The following NUDT4 variants were observed in gnomAD, a reference collection of about 807,000 sequenced individuals.
NUDT4 encodes diphosphoinositol polyphosphate phosphohydrolase 2.
In NUDT4, 5 loss-of-function variants were observed where a neutral mutation model predicts 23.1. The ratio of observed to expected loss-of-function variants is 0.22; its 90% CI spans 0.11 to 0.46. NUDT4 has a LOEUF of 0.46. NUDT4 is among the 20% of genes least tolerant of loss of function. The pLI is 0.99. For missense variants in NUDT4, 96 were observed against 211.6 expected (o/e 0.45, Z 3.39); for synonymous variants, 50 against 79.0 (o/e 0.63, Z 1.95).
chr12:93,405,732 A>C lies in NUDT4; in HGVS notation c.*6353A>C, dbSNP rs1040002963. 5 of 152,168 alleles carry C rather than the reference A, an allele frequency of 3.3e-5. No individual in the cohort carries two copies. Among genetic ancestry groups the C allele is most frequent in the African/African-American group, 9.7e-5 (4 of 41,438 alleles). The allele number at this position is 152,168 out of a possible 1,614,324, so 9.4% of individuals were successfully genotyped here. A position where few individuals can be genotyped will look rare whatever the true frequency, so the allele number is the denominator to read the frequency against. Reference sequence around the variant, plus strand: ...TTATTATTTACACTTCTCTCAAATTATTACATTCAGCATGTTTTGCTTTTT... The same window carrying C: ...TTATTATTTACACTTCTCTCAAATTCTTACATTCAGCATGTTTTGCTTTTT... On this transcript the variant is annotated 3_prime_UTR_variant, in exon 5 of 5. Transcript: ENST00000415493.
chr12:93,404,405 G>C lies in NUDT4; in HGVS notation c.*5026G>C, dbSNP rs895726317. ...TGAGTGGAAACTGATACAGCCTGTC[G>C]GAGAGCTACTGAGTAGTATTTTATC... On this transcript the variant is annotated 3_prime_UTR_variant, in exon 5 of 5. Coordinates refer to ENST00000415493, the MANE Select transcript of NUDT4 (RefSeq NM_019094.6). 4 of 152,184 alleles carry C rather than the reference G, an allele frequency of 2.6e-5. No individual in the cohort carries two copies. The highest frequency in any genetic ancestry group is 9.7e-5 in the African/African-American group (4 of 41,440). 9.4% of individuals were successfully genotyped at this position (152,184 alleles called of 1,614,324 possible).
chr12:93,394,235 C>T (rs567661460), intron 1 of NUDT4, among the ~76,000 whole-genome samples: 54 of 152,190 alleles, frequency 3.5e-4, no homozygotes, highest in Non-Finnish European at 7.5e-4. Context: ...ATCTCCTGAC[C>T]TCTTGATCCG....
chr12:93,402,748 C>G lies in NUDT4; in HGVS notation c.*3369C>G, dbSNP rs1344247910. 6.6e-6 allele frequency: 1 copy of G among 152,138 alleles called. No homozygotes were observed. Among genetic ancestry groups the G allele is most frequent in the Admixed American group, 6.5e-5 (1 of 15,282 alleles). The allele number at this position is 152,138 out of a possible 1,614,324, so 9.4% of individuals were successfully genotyped here. On this transcript the variant is annotated 3_prime_UTR_variant, in exon 5 of 5. Coordinates refer to ENST00000415493, the MANE Select transcript of NUDT4 (RefSeq NM_019094.6). ...GTCATTATTTTAATGAATGTGAGCT[C>G]TTGACTTACTCTAGAATTCTAATAC...
intron 1 of NUDT4, among the ~76,000 whole-genome samples, chr12:93,384,213 G>A (rs1308606850): frequency 1.3e-5 from 2 of 151,880 alleles, no homozygotes; most frequent in Non-Finnish European, 2.9e-5. Flanking sequence ...CTGTCACCAG[G>A]CTGGAGTGCA....
At chr12:93,385,941 T>TTATATATATATATATATATATATATA (rs371683658) in intron 1 of NUDT4, among the ~76,000 whole-genome samples, 3 of 104,598 alleles carry the variant, frequency 2.9e-5, no homozygotes, top group African/African-American at 1.1e-4. Flanking sequence ...GTAAATCTTT[T>TTATATATATATATATATATATATATA]TATATATATA....
At chr12:93,378,901 C>A in intron 1 of NUDT4, 1 of 547,072 alleles carries the variant, frequency 1.8e-6, no homozygotes, top group Non-Finnish European at 2.3e-6. Context: ...AACAGACAGT[C>A]CTCGTGCTTG....
At chr12:93,395,419 G>A in intron 2 of NUDT4, 70 bp from the exon 3 acceptor site, 1 of 1,081,554 alleles carries the variant, frequency 9.2e-7, no homozygotes, top group Non-Finnish European at 1.4e-6. Context: ...AATAGCCAGA[G>A]TGTAACTTGT....
intron 1 of NUDT4, 145 bp downstream of exon 1, chr12:93,378,566 C>G: frequency 7.7e-7 from 1 of 1,305,960 alleles, no homozygotes. Context: ...TCCCTCACTC[C>G]TTTCCTCCCT....
intron 3 of NUDT4, among the ~76,000 whole-genome samples, chr12:93,395,921 A>G (rs1296182428): frequency 6.6e-6 from 1 of 152,150 alleles, no homozygotes; most frequent in African/African-American, 2.4e-5. Context: ...GGGTTTCACC[A>G]TGTTGGCCAG....
chr12:93,384,200 G>A (rs189275085), intron 1 of NUDT4, among the ~76,000 whole-genome samples: 2 of 147,884 alleles, frequency 1.4e-5, no homozygotes, highest in African/African-American at 2.5e-5. Context: ...TTTTTTTCTC[G>A]CTCTGTCACC....
intron 1 of NUDT4, among the ~76,000 whole-genome samples, chr12:93,392,112 G>A (rs1178072125): frequency 6.6e-6 from 1 of 151,864 alleles, no homozygotes; most frequent in Non-Finnish European, 1.5e-5. Flanking sequence ...TTGAACCCCT[G>A]ACCTCAGATG....
chr12:93,395,393 T>G, intron 2 of NUDT4, 96 bp from the exon 3 acceptor site: 1 of 859,426 alleles, frequency 1.2e-6, no homozygotes, highest in Non-Finnish European at 1.9e-6. Flanking sequence ...GTATTGTATT[T>G]AATTAGATTT....
Position 93,407,428 on chromosome 12 carries a change from T to C in NUDT4, c.*8049T>C, listed in dbSNP as rs910662656. 5.3e-5 allele frequency: 8 copies of C among 152,362 alleles called. No homozygotes were observed. The highest frequency in any genetic ancestry group is 1.7e-4 in the African/African-American group (7 of 41,582). The allele number at this position is 152,362 out of a possible 1,614,324, so 9.4% of individuals were successfully genotyped here. A position where few individuals can be genotyped will look rare whatever the true frequency, so the allele number is the denominator to read the frequency against. Reference sequence around the variant, plus strand: ...GCAAACATGAAACACTTTTGTTGAATAATGTGTTTCCTTTAGCCCAGGGAT... The same window carrying C: ...GCAAACATGAAACACTTTTGTTGAACAATGTGTTTCCTTTAGCCCAGGGAT... On this transcript the variant is annotated 3_prime_UTR_variant, in exon 5 of 5. Transcript: ENST00000415493.
chr12:93,399,271 G>A lies in NUDT4; in HGVS notation c.435G>A (p.Leu145=). ...VHAEYLEKLK[L]GCSPANGNST... Reference sequence around the variant, plus strand: ...CAGAGTATCTGGAAAAGCTAAAGCTGGGTTGTTCCCCAGCCAATGGAAATT... The same window carrying A: ...CAGAGTATCTGGAAAAGCTAAAGCTAGGTTGTTCCCCAGCCAATGGAAATT... Residue 145 remains leucine, a synonymous_variant, in exon 5 of 5, where the codon CTG becomes CTA. Transcript: ENST00000415493. The A allele has an allele frequency of 7.6e-7, 1 of 1,318,382 alleles. No homozygotes were observed. Among genetic ancestry groups the A allele is most frequent in the Non-Finnish European group, 1.1e-6 (1 of 913,574 alleles). The allele number at this position is 1,318,382 out of a possible 1,614,324, so 81.7% of individuals were successfully genotyped here. A position where few individuals can be genotyped will look rare whatever the true frequency, so the allele number is the denominator to read the frequency against.
rs1277148851 is a variant in NUDT4, at chr12:93,406,340, A to G, written c.*6961A>G. ...ACCATTCAACAGAAAAATGAGGCCTATTCCTATCATTTCCTCGATCCAATT... is the reference window on the plus strand; with the variant it reads ...ACCATTCAACAGAAAAATGAGGCCTGTTCCTATCATTTCCTCGATCCAATT... On this transcript the variant is annotated 3_prime_UTR_variant, in exon 5 of 5. Coordinates refer to ENST00000415493, the MANE Select transcript of NUDT4 (RefSeq NM_019094.6). The G allele has an allele frequency of 1.4e-5, 2 of 146,556 alleles. No individual in the cohort carries two copies. The highest frequency in any genetic ancestry group is 2.2e-4 in the South Asian group (1 of 4,576). The allele number at this position is 146,556 out of a possible 1,614,324, so 9.1% of individuals were successfully genotyped here.
chr12:93,378,466 CTAGGG>C, intron 1 of NUDT4, 45 bp downstream of exon 1: 1 of 1,502,434 alleles, frequency 6.7e-7, no homozygotes, highest in Non-Finnish European at 8.9e-7. Context: ...GCGCCGGGGT[CTAGGG>C]CCCGGGTGCT....
chr12:93,392,973 G>A (rs1876663331), intron 1 of NUDT4, among the ~76,000 whole-genome samples: 2 of 139,238 alleles, frequency 1.4e-5, no homozygotes, highest in South Asian at 4.7e-4. Flanking sequence ...GAGCCACTGC[G>A]CCCGGCCAGA....
chr12:93,389,768 G>A (rs1876356621), intron 1 of NUDT4, among the ~76,000 whole-genome samples: 1 of 151,844 alleles, frequency 6.6e-6, no homozygotes, highest in Admixed American at 6.6e-5. Context: ...GGGCATGGTG[G>A]TGGGAGCCTG....
At chr12:93,387,741 AG>A (rs1439506834) in intron 1 of NUDT4, among the ~76,000 whole-genome samples, 1 of 152,176 alleles carries the variant, frequency 6.6e-6, no homozygotes, top group African/African-American at 2.4e-5. Flanking sequence ...AGGTGATCAC[AG>A]GATGGCCTAG....
Sources: gnomAD v4.1 joint callset for allele counts (sites outside exome capture counted in the v4.1 genomes callset) on GRCh38, gnomAD v4.1.1 for gene constraint, MANE v1.5 for transcripts, NCBI Gene and HGNC (gene_info 2026-07-23, HGNC 2026-07-21) for gene names.